The following MORF4L2 variants were observed in gnomAD, a reference collection of about 807,000 sequenced individuals.
The protein encoded by MORF4L2 is mortality factor 4-like protein 2.
Under a neutral mutation model 12.0 loss-of-function variants are expected in MORF4L2, and 1 was observed. The observed-to-expected ratio is 0.08, with a 90% CI of 0.03 to 0.40. The LOEUF (loss-of-function observed/expected upper bound fraction) is 0.40, where lower values mean the gene tolerates loss of function less well. Ranked by LOEUF, MORF4L2 falls within the 10% of genes least tolerant of loss-of-function variation. The pLI, the probability that MORF4L2 is intolerant of heterozygous loss-of-function variation, is 0.98. For missense variants in MORF4L2, 123 were observed against 214.0 expected (o/e 0.57, Z 2.65); for synonymous variants, 69 against 81.6 (o/e 0.85, Z 0.83).
At chrX:103,680,447 C>T (rs369358516) in intron 2 of MORF4L2, among the ~76,000 whole-genome samples, 27 of 112,718 alleles carry the variant, frequency 2.4e-4, no homozygotes, top group African/African-American at 7.7e-4. Flanking sequence ...CACGGAGACA[C>T]ATCCTGTGAA....
At chrX:103,682,125 G>A (rs756784870) in intron 2 of MORF4L2, among the ~76,000 whole-genome samples, 1 of 111,426 alleles carries the variant, frequency 9.0e-6, no homozygotes, top group South Asian at 3.7e-4. Flanking sequence ...TTTTGACAAA[G>A]GTGAGATCCA....
intron 2 of MORF4L2, among the ~76,000 whole-genome samples, chrX:103,684,172 T>C (rs779026767): frequency 4.5e-5 from 5 of 112,358 alleles, no homozygotes. Context: ...AGAGTGTGAG[T>C]AACATTTTGT....
chrX:103,687,001 G>GT (rs1255950797), upstream of MORF4L2, among the ~76,000 whole-genome samples: 1 of 109,082 alleles, frequency 9.2e-6, no homozygotes, highest in Non-Finnish European at 1.9e-5. Context: ...CTCCAAAAGC[G>GT]TGACAGCCGT....
intron 2 of MORF4L2, among the ~76,000 whole-genome samples, chrX:103,683,332 C>G (rs2074031500): frequency 8.9e-6 from 1 of 112,441 alleles, no homozygotes; most frequent in African/African-American, 3.2e-5. Context: ...GCTGGGATTA[C>G]AGGCGTAAGC....
chrX:103,687,012 T>G (rs1486265774), upstream of MORF4L2, among the ~76,000 whole-genome samples: 1 of 109,805 alleles, frequency 9.1e-6, no homozygotes, highest in African/African-American at 3.3e-5. Context: ...TGACAGCCGT[T>G]GGGTCATAAG....
chrX:103,679,860 C>CAAAAAAAAAAA (rs1157909391), intron 2 of MORF4L2, among the ~76,000 whole-genome samples: 4 of 47,727 alleles, frequency 8.4e-5, no homozygotes, highest in Non-Finnish European at 1.0e-4. Flanking sequence ...CACCTGTGGG[C>CAAAAAAAAAAA]AAAAAAAAAA....
chrX:103,676,725 T>C lies in MORF4L2; in HGVS notation c.303A>G (p.Lys101=), dbSNP rs1314871064. The change falls in exon 4 of 4, where the codon AAA becomes AAG. Residue 101 remains lysine, a synonymous_variant. Transcript: ENST00000441076. ...CAACAGTGGGGTCTGCCCGGGCCCT[T>C]TTCTTCCGAGGGGGCTGAGGTGCTT... ...TSEAPQPPRK[K]RARADPTVES... is the part of the protein sequence containing the mutation. 8.3e-7 allele frequency: 1 copy of C among 1,206,989 alleles called. No individual in the cohort carries two copies. The highest frequency in any genetic ancestry group is 2.2e-5 in the Admixed American group (1 of 45,303).
chrX:103,679,403 CAGCTACTCAGGAGA>C (rs1243525561), intron 2 of MORF4L2, among the ~76,000 whole-genome samples: 3 of 105,903 alleles, frequency 2.8e-5, no homozygotes, highest in Non-Finnish European at 5.8e-5. Flanking sequence ...CCTGTAGTCT[CAGCTACTCAGGAGA>C]CTGAGGCAGG....
chrX:103,684,717 C>T (rs1023494219), intron 2 of MORF4L2: 7 of 112,210 alleles, frequency 6.2e-5, no homozygotes, highest in African/African-American at 2.3e-4. Flanking sequence ...TACATGTAAT[C>T]CTCTCAACAA....
At chrX:103,677,538 T>A (rs2073875625) in intron 3 of MORF4L2, among the ~76,000 whole-genome samples, 1 of 111,994 alleles carries the variant, frequency 8.9e-6, no homozygotes, top group Admixed American at 9.5e-5. Context: ...AATACAGAAA[T>A]CATGAAGAAT....
intron 3 of MORF4L2, 45 bp from the exon 4 acceptor site, chrX:103,677,096 C>T: frequency 3.1e-6 from 3 of 969,513 alleles, no homozygotes; most frequent in Middle Eastern, 4.2e-4. Flanking sequence ...CTATGGCAAC[C>T]TTTAACTATG....
At chrX:103,683,817 C>CT (rs1047863365) in intron 2 of MORF4L2, among the ~76,000 whole-genome samples, 8 of 110,288 alleles carry the variant, frequency 7.3e-5, no homozygotes, top group Admixed American at 3.9e-4. Context: ...CTCTGTGAGG[C>CT]TTTTTTTTCT....
intron 2 of MORF4L2, among the ~76,000 whole-genome samples, chrX:103,682,649 C>G (rs1364187321): frequency 8.9e-6 from 1 of 111,852 alleles, no homozygotes; most frequent in Non-Finnish European, 1.9e-5. Context: ...TATTTTTGTT[C>G]TCTCTTCTAC....
At chrX:103,686,242 T>C (rs2147704900) in intron 1 of MORF4L2, among the ~76,000 whole-genome samples, 1 of 111,518 alleles carries the variant, frequency 9.0e-6, no homozygotes, top group South Asian at 3.7e-4. Flanking sequence ...ATATCTATTT[T>C]ATCTTTAATT....
upstream of MORF4L2, chrX:103,687,493 GC>G (rs2074143103): frequency 1.8e-5 from 2 of 112,121 alleles, no homozygotes; most frequent in African/African-American, 6.5e-5. Flanking sequence ...ACTGGTGAGA[GC>G]CACGGCGGGC....
upstream of MORF4L2, chrX:103,686,885 C>T (rs1303060281): frequency 1.8e-5 from 2 of 111,538 alleles, no homozygotes; most frequent in African/African-American, 6.5e-5. Flanking sequence ...TGCTAGCAAC[C>T]TGCTTCTTCA....
At chrX:103,678,732 C>A (rs2073905880) in intron 2 of MORF4L2, 81 bp from the exon 3 acceptor site, 3 of 112,703 alleles carry the variant, frequency 2.7e-5, no homozygotes, top group African/African-American at 9.7e-5. Context: ...GAATCATATA[C>A]CACAATTGTA....
In MORF4L2 at chrX:103,675,931, G is replaced by C. The variant is rs1392113739; in HGVS notation, c.*230C>G. 1 of 327,918 alleles carries C rather than the reference G, an allele frequency of 3.0e-6. No individual in the cohort carries two copies. Among genetic ancestry groups the C allele is most frequent in the Non-Finnish European group, 5.2e-6 (1 of 191,988 alleles). The allele number at this position is 327,918 out of a possible 1,213,427, so 27.0% of individuals were successfully genotyped here. ...CAACTAGGCAATAAAATGTTCTACT[G>C]AATGTTTCTTCTTTGTTCTAATTAC... On this transcript the variant is annotated 3_prime_UTR_variant, in exon 4 of 4. Transcript: ENST00000441076.
At chrX:103,678,730 T>C (rs959334464) in intron 2 of MORF4L2, 79 bp from the exon 3 acceptor site, 1 of 113,066 alleles carries the variant, frequency 8.8e-6, no homozygotes, top group African/African-American at 3.2e-5. Flanking sequence ...ATGAATCATA[T>C]ACCACAATTG....
Sources: allele counts gnomAD v4.1 joint callset (sites outside exome capture counted in the v4.1 genomes callset), GRCh38; gene constraint gnomAD v4.1.1; transcripts MANE v1.5; gene names NCBI Gene and HGNC (gene_info 2026-07-23, HGNC 2026-07-21).